The following CELF2 variants were observed in gnomAD, a reference collection of about 807,000 sequenced individuals.
CELF2 encodes the protein CUGBP Elav-like family member 2.
In CELF2, 8 loss-of-function variants were observed where a neutral mutation model predicts 62.6. The observed-to-expected ratio is 0.13, with a 90% CI of 0.07 to 0.23. The LOEUF is 0.23. CELF2 is among the 10% of genes least tolerant of loss of function. The probability of loss-of-function intolerance (pLI) is 1.00; values close to 1 mark genes in which losing one functional copy is unlikely to be tolerated. For missense variants in CELF2, 333 were observed against 671.0 expected (o/e 0.50, Z 5.56); for synonymous variants, 258 against 250.0 (o/e 1.03, Z -0.30).
At chr10:10,674,578 C>T in the CELF2 span, among the ~76,000 whole-genome samples, 2 of 152,056 alleles carry the variant, frequency 1.3e-5, no homozygotes, top group South Asian at 4.1e-4. Context: ...CTTTTTGTTG[C>T]TATTGTTCTT....
At chr10:10,539,714 T>A in the CELF2 span, among the ~76,000 whole-genome samples, 2 of 152,208 alleles carry the variant, frequency 1.3e-5, no homozygotes, top group Non-Finnish European at 2.9e-5. Flanking sequence ...ACTTGGAAAT[T>A]GTACCACCAG....
At chr10:11,204,280 G>C (rs964033906) in intron 2 of CELF2, among the ~76,000 whole-genome samples, 1 of 152,162 alleles carries the variant, frequency 6.6e-6, no homozygotes, top group Non-Finnish European at 1.5e-5. Context: ...GGATCAAACA[G>C]AATCTATTTC....
chr10:11,199,120 G>A (rs556462099), intron 2 of CELF2, among the ~76,000 whole-genome samples: 20 of 152,282 alleles, frequency 1.3e-4, no homozygotes, highest in African/African-American at 3.1e-4. Context: ...CTCTAGTGGC[G>A]AGAGATTGTC....
chr10:10,752,356 G>C, the CELF2 span, among the ~76,000 whole-genome samples: 1 of 152,288 alleles, frequency 6.6e-6, no homozygotes, highest in Middle Eastern at 3.4e-3. Flanking sequence ...AAATATGACA[G>C]AGCACTGTGA....
At chr10:10,626,207 G>C in the CELF2 span, among the ~76,000 whole-genome samples, 1 of 152,028 alleles carries the variant, frequency 6.6e-6, no homozygotes, top group Admixed American at 6.5e-5. Context: ...CTGATTTTTA[G>C]TACATGGCAG....
rs576718503 is a variant in CELF2 at position 11,103,107 on chromosome 10, G to A, written c.75-62379G>A. ...AAGTCCTAAGGGTGCCTCACAATGCGGCTGCAATCTCCCTTTTCCAACCTC... is the reference window on the plus strand; with the variant it reads ...AAGTCCTAAGGGTGCCTCACAATGCAGCTGCAATCTCCCTTTTCCAACCTC... On this transcript the variant is annotated intron_variant, in intron 1 of 12. Coordinates refer to ENST00000633077, the MANE Select transcript of CELF2 (RefSeq NM_001326342.2). Among the ~76,000 whole-genome samples, 4 of 152,050 alleles carry A rather than the reference G, an allele frequency of 2.6e-5. No homozygotes were observed. The South Asian group carries it at 6.2e-4, about 24-fold the overall frequency.
the CELF2 span, among the ~76,000 whole-genome samples, chr10:10,735,221 T>C: frequency 6.6e-6 from 1 of 152,216 alleles, no homozygotes; most frequent in Admixed American, 6.5e-5. Flanking sequence ...CTTGTTTCAA[T>C]ATTTTAATGT....
intron 2 of CELF2, among the ~76,000 whole-genome samples, chr10:10,939,310 C>T (rs552185767): frequency 3.9e-4 from 50 of 129,048 alleles, no homozygotes; most frequent in Middle Eastern, 7.6e-3. Flanking sequence ...GTTGTTGAGA[C>T]GGAGTCTCGC....
At chr10:11,257,584 G>A in intron 4 of CELF2, 154 bp from the exon 5 acceptor site, 1 of 698,792 alleles carries the variant, frequency 1.4e-6, no homozygotes, top group Non-Finnish European at 2.4e-6. Context: ...GGGGCGCATG[G>A]AGGGAGGAGG....
the CELF2 span, among the ~76,000 whole-genome samples, chr10:10,713,718 G>T: frequency 6.6e-6 from 1 of 152,148 alleles, no homozygotes; most frequent in African/African-American, 2.4e-5. Flanking sequence ...TGTTGTAAAT[G>T]ACTTGAACTA....
chr10:10,848,180 A>G (rs888842461), intron 1 of CELF2, among the ~76,000 whole-genome samples: 50 of 152,262 alleles, frequency 3.3e-4, no homozygotes, highest in African/African-American at 1.2e-3. Context: ...AAACAAGTAC[A>G]TTTTAGGTAA....
the CELF2 span, among the ~76,000 whole-genome samples, chr10:10,632,944 T>C: frequency 6.6e-6 from 1 of 152,234 alleles, no homozygotes; most frequent in African/African-American, 2.4e-5. Context: ...TAATGTTACA[T>C]CTTGTAGCTC....
the CELF2 span, among the ~76,000 whole-genome samples, chr10:10,488,768 T>C: frequency 1.3e-5 from 2 of 152,112 alleles, no homozygotes; most frequent in Non-Finnish European, 2.9e-5. Context: ...TAATTTGACA[T>C]AGCAAATTAA....
In CELF2 at chr10:11,260,096, G is replaced by A. The variant is rs1346375624; in HGVS notation, c.538+2224G>A. On this transcript the variant is annotated intron_variant, in intron 5 of 12. Coordinates refer to ENST00000633077, the MANE Select transcript of CELF2 (RefSeq NM_001326342.2). This position sits in a 1 kb window ranked among gnomAD's most constrained non-coding sequence, Gnocchi z 4.2. Reference sequence around the variant, plus strand: ...CCACAACTTCTACTGAAATGAAATAGAACTTTAGTCATTTTATTTTCTTAC... The same window carrying A: ...CCACAACTTCTACTGAAATGAAATAAAACTTTAGTCATTTTATTTTCTTAC... 6.6e-6 allele frequency among the ~76,000 whole-genome samples: 1 copy of A among 152,172 alleles called. No homozygotes were observed. Among genetic ancestry groups the A allele is most frequent in the East Asian group, 1.9e-4 (1 of 5,190 alleles).
chr10:10,660,883 A>G, the CELF2 span, among the ~76,000 whole-genome samples: 1 of 152,228 alleles, frequency 6.6e-6, no homozygotes, highest in African/African-American at 2.4e-5. Context: ...GGAAAATTCT[A>G]CAGAACGAAC....
chr10:10,484,467 C>A, the CELF2 span, among the ~76,000 whole-genome samples: 2 of 148,366 alleles, frequency 1.3e-5, no homozygotes, highest in Non-Finnish European at 3.0e-5. Flanking sequence ...CAGGCACATG[C>A]CACCATGCCC....
intron 3 of CELF2, among the ~76,000 whole-genome samples, chr10:11,219,768 A>G (rs2064287695): frequency 6.6e-6 from 1 of 152,252 alleles, no homozygotes; most frequent in South Asian, 2.1e-4. Context: ...ACCAGACATA[A>G]AAGATTAATG....
In CELF2 at chr10:11,306,441, G is replaced by A. The variant is rs1668939153; in HGVS notation, c.977-7698G>A. Among the ~76,000 whole-genome samples the A allele has an allele frequency of 1.3e-5, 2 of 152,070 alleles. No homozygotes were observed. Among genetic ancestry groups the A allele is most frequent in the African/African-American group, 4.8e-5 (2 of 41,408 alleles). ...AGTCTGGGTGTTGGTGGCACCGCAT[G>A]TGTCTCTGTCTAAGACCTCTTTCTC... On this transcript the variant is annotated intron_variant, in intron 9 of 12. Transcript: ENST00000633077. This position sits in a 1 kb window ranked among gnomAD's most constrained non-coding sequence, Gnocchi z 4.4.
chr10:11,032,764 T>G (rs2060331043), intron 1 of CELF2, among the ~76,000 whole-genome samples: 1 of 152,228 alleles, frequency 6.6e-6, no homozygotes, highest in African/African-American at 2.4e-5. Context: ...TCAGGAAACC[T>G]ATAGACCATT....
Sources: allele counts gnomAD v4.1 joint callset (sites outside exome capture counted in the v4.1 genomes callset), GRCh38; gene constraint gnomAD v4.1.1; non-coding constraint Gnocchi (gnomAD v3.1); transcripts MANE v1.5; gene names NCBI Gene and HGNC (gene_info 2026-07-23, HGNC 2026-07-21).